VPS13A: variants seen among roughly 807,000 people sequenced by gnomAD.
VPS13A encodes the protein vacuolar protein sorting 13 homolog A.
In VPS13A, 264 loss-of-function variants were observed where a neutral mutation model predicts 390.9. The observed-to-expected ratio is 0.68, with a 90% CI of 0.61 to 0.75. The LOEUF is 0.75. VPS13A is among the 30% of genes least tolerant of loss of function. The pLI is 0.00. For synonymous variants in VPS13A, 1,231 were observed against 1,227.1 expected, an observed-to-expected ratio of 1.00 and a Z score of -0.07; for missense variants, 3,409 against 3,733.9, an observed-to-expected ratio of 0.91 and a Z score of 2.27.
intron 35 of VPS13A, among the ~76,000 whole-genome samples, chr9:77,311,217 C>T (rs1829054397): frequency 6.6e-6 from 1 of 152,128 alleles, no homozygotes; most frequent in Admixed American, 6.6e-5. Context: ...AGCCACCATG[C>T]CTGGCCCACT....
chr9:77,421,378 T>C lies in VPS13A; in HGVS notation c.*5372T>C, dbSNP rs750642313. On this transcript the variant is annotated 3_prime_UTR_variant, in exon 72 of 72. Coordinates refer to ENST00000360280, the MANE Select transcript of VPS13A (RefSeq NM_033305.3). ...TTCTTCCTTTTGAAACTAATCTTAT[T>C]CTTTTATTCCTCTCTCTAAAAATTG... 3.3e-5 allele frequency: 5 copies of C among 152,230 alleles called. No homozygotes were observed. The highest frequency in any genetic ancestry group is 7.3e-5 in the Non-Finnish European group (5 of 68,044). The allele number at this position is 152,230 out of a possible 1,614,324, so 9.4% of individuals were successfully genotyped here.
At chr9:77,349,650 T>A (rs1276238384) in intron 52 of VPS13A, among the ~76,000 whole-genome samples, 2 of 152,152 alleles carry the variant, frequency 1.3e-5, no homozygotes, top group African/African-American at 4.8e-5. Context: ...TGTTGTTGTT[T>A]ATTTGTTTTT....
rs1251824411 is a variant in VPS13A at position 77,356,746 on chromosome 9, A to G, written c.7685A>G (p.Lys2562Arg). 14 of 1,613,468 alleles carry G rather than the reference A, an allele frequency of 8.7e-6. No homozygotes were observed. Among genetic ancestry groups the G allele is most frequent in the Non-Finnish European group, 1.2e-5 (14 of 1,179,712 alleles). The stretch of plus-strand genomic sequence containing the variant: ...GTGGTTTGGGAAACAAAGCCCAAGA[A>G]GAAGGCAAGATGGAAGCCAATGAGT... ...SDVVWETKPK[K>R]KARWKPMSVK... Residue 2562 changes from lysine to arginine, a missense_variant, in exon 55 of 72, where the codon AAG becomes AGG. Transcript: ENST00000360280.
At chr9:77,290,542 T>C (rs1160231087) in intron 31 of VPS13A, among the ~76,000 whole-genome samples, 2 of 152,042 alleles carry the variant, frequency 1.3e-5, no homozygotes, top group African/African-American at 4.8e-5. Context: ...ACTTTTTCCC[T>C]GTTCCTCTTC....
intron 22 of VPS13A, among the ~76,000 whole-genome samples, chr9:77,255,639 C>T (rs758921953): frequency 1.4e-4 from 21 of 152,014 alleles, no homozygotes; most frequent in African/African-American, 4.3e-4. Context: ...GCGATCAGAT[C>T]GTGGGAGGTT....
chr9:77,181,970 A>G (rs1285693352), intron 1 of VPS13A, among the ~76,000 whole-genome samples: 3 of 152,212 alleles, frequency 2.0e-5, no homozygotes, highest in Non-Finnish European at 2.9e-5. Flanking sequence ...TTGGTAAGGT[A>G]TACTTTTTAT....
chr9:77,251,886 A>G (rs1467030299), intron 21 of VPS13A, among the ~76,000 whole-genome samples: 1 of 152,220 alleles, frequency 6.6e-6, no homozygotes, highest in Non-Finnish European at 1.5e-5. Context: ...AATTTTGAGA[A>G]TTAACATTTA....
At chr9:77,198,213 CAG>C (rs1304562677) in intron 1 of VPS13A, among the ~76,000 whole-genome samples, 4 of 151,990 alleles carry the variant, frequency 2.6e-5, no homozygotes, top group Admixed American at 1.3e-4. Context: ...ATTGGATCCT[CAG>C]GGGATGAGGA....
intron 46 of VPS13A, among the ~76,000 whole-genome samples, chr9:77,335,787 C>T (rs1301618859): frequency 6.6e-6 from 1 of 152,172 alleles, no homozygotes; most frequent in African/African-American, 2.4e-5. Flanking sequence ...TTGTGGAAGA[C>T]AATGTGGTGA....
At chr9:77,211,320 A>G (rs1315771774) in intron 7 of VPS13A, 1 of 152,126 alleles carries the variant, frequency 6.6e-6, no homozygotes, top group African/African-American at 2.4e-5. Context: ...TATATAATAT[A>G]TCTATTAAAA....
chr9:77,182,388 C>T (rs1231704757), intron 1 of VPS13A, among the ~76,000 whole-genome samples: 2 of 152,208 alleles, frequency 1.3e-5, no homozygotes, highest in African/African-American at 4.8e-5. Context: ...GCCACTGCGT[C>T]CGGCCATTTC....
In VPS13A at chr9:77,374,176, G is replaced by T. The variant is rs112244909; in HGVS notation, c.9077+3027G>T. On this transcript the variant is annotated intron_variant, in intron 67 of 71. Transcript: ENST00000360280. ...ATAAGTTGTTATAGTAGTCCCTCTT[G>T]ATCTGCAGGGATCTGCAGTGGATGC... Among the ~76,000 whole-genome samples, 462 of 152,074 alleles carry T rather than the reference G, an allele frequency of 3.0e-3. 1 individual carries two copies. Among genetic ancestry groups the T allele is most frequent in the African/African-American group, 9.8e-3 (406 of 41,452 alleles).
At chr9:77,317,762 GTTA>G (rs1379096034) in intron 40 of VPS13A, 64 bp downstream of exon 40, 2 of 1,248,684 alleles carry the variant, frequency 1.6e-6, no homozygotes, top group East Asian at 5.3e-5. Flanking sequence ...AGCCTAGAAA[GTTA>G]TTATAGCAAG....
chr9:77,226,153 T>C (rs1823495316), intron 14 of VPS13A, among the ~76,000 whole-genome samples, 165 bp downstream of exon 14: 1 of 152,168 alleles, frequency 6.6e-6, no homozygotes, highest in Non-Finnish European at 1.5e-5. Context: ...GCACATCCAT[T>C]TAAATCAGAC....
intron 34 of VPS13A, among the ~76,000 whole-genome samples, chr9:77,303,748 C>T (rs1036227239): frequency 1.1e-4 from 17 of 152,090 alleles, no homozygotes; most frequent in African/African-American, 2.2e-4. Context: ...TGGACGTGCA[C>T]GTAAGCCAGA....
At chr9:77,314,226 G>C in intron 36 of VPS13A, 107 bp downstream of exon 36, 1 of 1,234,688 alleles carries the variant, frequency 8.1e-7, no homozygotes, top group Non-Finnish European at 1.1e-6. Context: ...TGTAGTATCT[G>C]TCCCTCTGAG....
At chr9:77,222,863 T>C (rs1436733958) in intron 13 of VPS13A, among the ~76,000 whole-genome samples, 8 of 152,196 alleles carry the variant, frequency 5.3e-5, no homozygotes, top group Non-Finnish European at 8.8e-5. Flanking sequence ...AAACTATAGC[T>C]TAAATGGAAG....
At chr9:77,405,176 T>C (rs1223438118) in intron 69 of VPS13A, among the ~76,000 whole-genome samples, 1 of 152,184 alleles carries the variant, frequency 6.6e-6, no homozygotes. Flanking sequence ...TATTTAAAAA[T>C]TAGAATGATG....
Position 77,332,087 on chromosome 9 carries a change from A to G in VPS13A, c.6069A>G (p.Glu2023=), listed in dbSNP as rs1320582431. The stretch of plus-strand genomic sequence containing the variant: ...TGGGAACTGCCTCACCTGAAAATGA[A>G]TTCAACATACCATTAGGATCTTACC... ...TLLGTASPEN[E]FNIPLGSYRS... is the part of the protein sequence containing the mutation. The change falls in exon 46 of 72, where the codon GAA becomes GAG. Residue 2023 remains glutamate (E), a synonymous_variant. Transcript: ENST00000360280. 2 of 1,611,458 alleles carry G rather than the reference A, an allele frequency of 1.2e-6. No individual in the cohort carries two copies. The highest frequency in any genetic ancestry group is 8.5e-7 in the Non-Finnish European group (1 of 1,177,936).
Sources: allele counts gnomAD v4.1 joint callset (sites outside exome capture counted in the v4.1 genomes callset), GRCh38; gene constraint gnomAD v4.1.1; transcripts MANE v1.5; gene names NCBI Gene and HGNC (gene_info 2026-07-23, HGNC 2026-07-21).